Variants in CYP27C1 observed in about 807,000 individuals in gnomAD.
The protein encoded by CYP27C1 is cytochrome P450 family 27 subfamily C member 1.
CYP27C1 carries 29 observed loss-of-function variants against 40.6 expected under a neutral mutation model. The observed-to-expected ratio is 0.71, with a 90% CI of 0.53 to 0.97. The LOEUF is 0.97. Ranked by LOEUF, CYP27C1 falls within the 50% of genes least tolerant of loss-of-function variation. The probability of loss-of-function intolerance (pLI) is 0.00; values close to 1 mark genes in which losing one functional copy is unlikely to be tolerated. For missense variants in CYP27C1, 390 were observed against 485.8 expected, an observed-to-expected ratio of 0.80 and a Z score of 1.85; for synonymous variants, 198 against 186.8, an observed-to-expected ratio of 1.06 and a Z score of -0.49.
In CYP27C1 at chr2:127,199,415, G is replaced by A. The variant is rs34225806; in HGVS notation, c.1008C>T (p.Tyr336=). 0.02 allele frequency: 33,020 copies of A among 1,614,156 alleles called. 428 individuals carry two copies. Among genetic ancestry groups the A allele is most frequent in the Non-Finnish European group, 0.024 (28,009 of 1,180,020 alleles). Reference sequence around the variant, plus strand: ...CCAGCAGCATCTCAGTCACGTTGGCGTAGATCTCCTGCAGCGTCAGAGCCT... The same window carrying A: ...CCAGCAGCATCTCAGTCACGTTGGCATAGATCTCCTGCAGCGTCAGAGCCT... ...LSQALTLQEI[Y]ANVTEMLLAG... Residue 336 remains tyrosine, a synonymous_variant, in exon 5 of 9, where the codon TAC becomes TAT. Transcript: ENST00000664447.
At position 127,207,790 on chromosome 2, in the gene CYP27C1, CA is replaced by C. The variant is rs201268798; in HGVS notation, c.283-1701del. ...ACAAAACATTGTTTAAAGAAATCTA[CA>C]AAACATTGTTTAAAGAAGCCTGAAA... is the stretch of plus-strand genomic sequence containing the variant. On this transcript the variant is annotated intron_variant, in intron 1 of 8. Coordinates refer to ENST00000664447, the MANE Select transcript of CYP27C1 (RefSeq NM_001367502.1). 2.2e-4 allele frequency among the ~76,000 whole-genome samples: 33 copies of C among 152,122 alleles called. No homozygotes were observed. In the East Asian group the frequency reaches 6.0e-3, roughly 28 times the overall value.
chr2:127,196,125 C>T lies in CYP27C1; in HGVS notation c.1048-624G>A, dbSNP rs191078276. 1.9e-3 allele frequency among the ~76,000 whole-genome samples: 291 copies of T among 151,912 alleles called. No homozygotes were observed. The highest frequency in any genetic ancestry group is 6.5e-3 in the African/African-American group (270 of 41,422). Reference sequence around the variant, plus strand: ...TCGCCCAGGCTGGAATGCAGTGACGCGATCTCGGCTCACTGCAAGCTCTGC... The same window carrying T: ...TCGCCCAGGCTGGAATGCAGTGACGTGATCTCGGCTCACTGCAAGCTCTGC... On this transcript the variant is annotated intron_variant, in intron 5 of 8. Coordinates refer to ENST00000664447, the MANE Select transcript of CYP27C1 (RefSeq NM_001367502.1). The surrounding 1 kb of genome is among the most constrained non-coding windows in gnomAD (Gnocchi z 4.5).
chr2:127,209,933 A>T lies in CYP27C1; in HGVS notation c.283-3843T>A, dbSNP rs1202991542. ...ACGGGGAGAATGGAAACAAGCTGGA[A>T]AACACACTTCATGATATTATCAAGG... On this transcript the variant is annotated intron_variant, in intron 1 of 8. Coordinates refer to ENST00000664447, the MANE Select transcript of CYP27C1 (RefSeq NM_001367502.1). The surrounding 1 kb of genome is among the most constrained non-coding windows in gnomAD (Gnocchi z 4.1). Among the ~76,000 whole-genome samples, 1 of 152,256 alleles carries T rather than the reference A, an allele frequency of 6.6e-6. No individual in the cohort carries two copies. The highest frequency in any genetic ancestry group is 1.9e-4 in the East Asian group (1 of 5,206).
chr2:127,203,201 T>C (rs1460265906), intron 3 of CYP27C1, among the ~76,000 whole-genome samples, 171 bp downstream of exon 3: 1 of 151,772 alleles, frequency 6.6e-6, no homozygotes, highest in African/African-American at 2.4e-5. Context: ...GTTTCCTCAT[T>C]GGTCAACGGT....
intron 8 of CYP27C1, among the ~76,000 whole-genome samples, chr2:127,187,610 A>G (rs1348201080): frequency 6.6e-6 from 1 of 152,198 alleles, no homozygotes; most frequent in Non-Finnish European, 1.5e-5. Flanking sequence ...AGGCATGTCC[A>G]CTAAGCAGCT....
chr2:127,205,755 G>C (rs2104694132), intron 2 of CYP27C1, 145 bp downstream of exon 2: 1 of 985,450 alleles, frequency 1.0e-6, no homozygotes, highest in Non-Finnish European at 1.2e-6. Flanking sequence ...CTGGGAGATC[G>C]CACAAGGAGA....
chr2:127,190,262 A>T (rs193289487), intron 8 of CYP27C1, among the ~76,000 whole-genome samples: 3,101 of 116,918 alleles, frequency 0.027, 88 homozygotes, highest in African/African-American at 0.095. Flanking sequence ...TTTCTTGATT[A>T]AAAAAAAATA....
At chr2:127,217,668 T>C (rs1283129089) in intron 1 of CYP27C1, among the ~76,000 whole-genome samples, 1 of 152,208 alleles carries the variant, frequency 6.6e-6, no homozygotes, top group Non-Finnish European at 1.5e-5. Context: ...ACTCTGCCAA[T>C]CACCAGCTGC....
In CYP27C1 at chr2:127,218,560, C is replaced by G. The variant is rs1038802692; in HGVS notation, c.282+1429G>C. Among the ~76,000 whole-genome samples the G allele has an allele frequency of 6.6e-6, 1 of 152,036 alleles. No homozygotes were observed. Among genetic ancestry groups the G allele is most frequent in the African/African-American group, 2.4e-5 (1 of 41,372 alleles). On this transcript the variant is annotated intron_variant, in intron 1 of 8. Coordinates refer to ENST00000664447, the MANE Select transcript of CYP27C1 (RefSeq NM_001367502.1). The surrounding 1 kb of genome is among the most constrained non-coding windows in gnomAD (Gnocchi z 6.0). ...ATTAAAATTAAATTAAATTTTAATT[C>G]CCGGCCGAATTAAAATTGCTCCTCG...
In CYP27C1 at chr2:127,185,618, T is replaced by C. The variant is rs1682607821; in HGVS notation, c.*1653A>G. 6.6e-6 allele frequency: 1 copy of C among 152,248 alleles called. No homozygotes were observed. Among genetic ancestry groups the C allele is most frequent in the Admixed American group, 6.5e-5 (1 of 15,288 alleles). 9.4% of individuals were successfully genotyped at this position (152,248 alleles called of 1,614,324 possible). A position where few individuals can be genotyped will look rare whatever the true frequency, so the allele number is the denominator to read the frequency against. On this transcript the variant is annotated 3_prime_UTR_variant, in exon 9 of 9. Transcript: ENST00000664447. The surrounding 1 kb of genome is among the most constrained non-coding windows in gnomAD (Gnocchi z 4.9). ...ATTTACAGCATTCATACTAGAGTTA[T>C]TCTGCTACCACACAGAGATTTCAAC...
chr2:127,199,548 A>G lies in CYP27C1; in HGVS notation c.884-9T>C, dbSNP rs376494136. 2.4e-4 allele frequency: 384 copies of G among 1,609,110 alleles called. No homozygotes were observed. Among genetic ancestry groups the G allele is most frequent in the Non-Finnish European group, 3.1e-4 (367 of 1,176,394 alleles). On this transcript the variant is annotated splice_polypyrimidine_tract_variant and intron_variant, in intron 4 of 8. Coordinates refer to ENST00000664447, the MANE Select transcript of CYP27C1 (RefSeq NM_001367502.1). Reference sequence around the variant, plus strand: ...GTCAACATGAATTTGGCCTGTTTGAAAACAGTATTTCTTTTGAAAGGAGTT... The same window carrying G: ...GTCAACATGAATTTGGCCTGTTTGAGAACAGTATTTCTTTTGAAAGGAGTT...
At chr2:127,212,580 A>G (rs193214536) in intron 1 of CYP27C1, among the ~76,000 whole-genome samples, 190 of 152,348 alleles carry the variant, frequency 1.2e-3, no homozygotes, top group Middle Eastern at 0.01. Context: ...TAATTATCTC[A>G]ATAGATGCAG....
chr2:127,190,497 CA>C (rs1324084936), intron 8 of CYP27C1, among the ~76,000 whole-genome samples: 1 of 150,794 alleles, frequency 6.6e-6, no homozygotes, highest in Admixed American at 6.6e-5. Flanking sequence ...CACCCGCCAC[CA>C]GGCCTGGCTA....
chr2:127,194,651 AG>A (rs1281259517), intron 6 of CYP27C1, among the ~76,000 whole-genome samples: 1 of 152,116 alleles, frequency 6.6e-6, no homozygotes, highest in Non-Finnish European at 1.5e-5. Context: ...AAGAACCATG[AG>A]GTTTGTATCC....
chr2:127,215,106 G>A (rs1281349104), intron 1 of CYP27C1, among the ~76,000 whole-genome samples: 3 of 142,718 alleles, frequency 2.1e-5, no homozygotes, highest in Non-Finnish European at 4.6e-5. Context: ...TCATGCCTGG[G>A]CGACAGAGTG....
intron 1 of CYP27C1, among the ~76,000 whole-genome samples, chr2:127,213,611 A>T (rs897989081): frequency 2.0e-5 from 3 of 152,196 alleles, no homozygotes; most frequent in Admixed American, 2.0e-4. Flanking sequence ...CTGGCTAGCC[A>T]TATGCATAAA....
chr2:127,201,121 C>T lies in CYP27C1; in HGVS notation c.883+1G>A. ...AAAGGTGCTCTCAATTCTTCTCTTA[C>T]TGAATTTGAAGAGTCCATCCCAGGA... On this transcript the variant is annotated splice_donor_variant, in intron 4 of 8. Transcript: ENST00000664447. LOFTEE classifies it high-confidence loss of function. The surrounding 1 kb of genome is among the most constrained non-coding windows in gnomAD (Gnocchi z 6.0). 1.2e-6 allele frequency: 2 copies of T among 1,612,088 alleles called. No individual in the cohort carries two copies. The highest frequency in any genetic ancestry group is 2.2e-5 in the East Asian group (1 of 44,858).
intron 1 of CYP27C1, among the ~76,000 whole-genome samples, chr2:127,211,735 A>C (rs1683343141): frequency 6.6e-6 from 1 of 152,194 alleles, no homozygotes; most frequent in African/African-American, 2.4e-5. Flanking sequence ...CAAATCAAAA[A>C]GCTAGAAAGA....
In CYP27C1 at chr2:127,201,900, G is replaced by A. The variant is rs1434293291; in HGVS notation, c.674-569C>T. Among the ~76,000 whole-genome samples the A allele has an allele frequency of 1.3e-5, 2 of 152,180 alleles. No homozygotes were observed. The highest frequency in any genetic ancestry group is 2.9e-5 in the Non-Finnish European group (2 of 68,028). On this transcript the variant is annotated intron_variant, in intron 3 of 8. Transcript: ENST00000664447. The surrounding 1 kb of genome is among the most constrained non-coding windows in gnomAD (Gnocchi z 6.0). ...GCTAAAGGCGCAGCAGAAGTGGCCT[G>A]GATGAATCCGTGTCGGGCAGAGCTG...
Sources: gnomAD v4.1 joint callset for allele counts (sites outside exome capture counted in the v4.1 genomes callset) on GRCh38, gnomAD v4.1.1 for gene constraint, Gnocchi (gnomAD v3.1) non-coding constraint, MANE v1.5 for transcripts, NCBI Gene and HGNC (gene_info 2026-07-23, HGNC 2026-07-21) for gene names.